C2CD3: variants seen among roughly 807,000 people sequenced by gnomAD.
The protein encoded by C2CD3 is C2 domain-containing protein 3.
In C2CD3, 148 loss-of-function variants were observed where a neutral mutation model predicts 234.0. That is an observed-to-expected ratio of 0.63 (90% CI 0.55 to 0.72). The LOEUF is 0.72. Ranked by LOEUF, C2CD3 falls within the 30% of genes least tolerant of loss-of-function variation. The pLI is 0.00. For synonymous variants in C2CD3, 1,000 were observed against 1,035.4 expected, an observed-to-expected ratio of 0.97 and a Z score of 0.66; for missense variants, 2,577 against 2,811.5, an observed-to-expected ratio of 0.92 and a Z score of 1.89.
chr11:74,145,426 A>G (rs1409313075), intron 3 of C2CD3, among the ~76,000 whole-genome samples: 1 of 152,060 alleles, frequency 6.6e-6, no homozygotes, highest in African/African-American at 2.4e-5. Flanking sequence ...TTGCTTGTAC[A>G]TTTCTTTAAG....
intron 7 of C2CD3, among the ~76,000 whole-genome samples, chr11:74,124,802 T>G (rs1021725012): frequency 1.3e-5 from 2 of 152,220 alleles, no homozygotes; most frequent in Non-Finnish European, 2.9e-5. Context: ...CTTAAAGTTA[T>G]GAAAATTTTT....
Position 74,013,149 on chromosome 11 carries a change from C to T in C2CD3, c.*236G>A, listed in dbSNP as rs1951752164. 3 of 305,854 alleles carry T rather than the reference C, an allele frequency of 9.8e-6. No homozygotes were observed. The highest frequency in any genetic ancestry group is 1.2e-5 in the Non-Finnish European group (2 of 167,974). The allele number at this position is 305,854 out of a possible 1,614,324, so 18.9% of individuals were successfully genotyped here. On this transcript the variant is annotated 3_prime_UTR_variant, in exon 33 of 33. Coordinates refer to ENST00000334126, the MANE Select transcript of C2CD3 (RefSeq NM_001286577.2). The stretch of plus-strand genomic sequence containing the variant: ...GCGCGGATTCCATTTTATTTCTAGC[C>T]TTTGCCTCACCACAGAAAAAAGGAG...
intron 9 of C2CD3, among the ~76,000 whole-genome samples, chr11:74,116,927 C>CGTATATAT (rs1565312634): frequency 1.1e-5 from 1 of 93,170 alleles, no homozygotes; most frequent in Non-Finnish European, 2.1e-5. Context: ...TACATATACA[C>CGTATATAT]GTGTATATAC....
intron 30 of C2CD3, chr11:74,034,567 C>T: frequency 3.7e-6 from 6 of 1,613,930 alleles, no homozygotes; most frequent in Non-Finnish European, 5.1e-6. Flanking sequence ...AGCTGGGAGT[C>T]CTGGTGGGCA....
At chr11:74,037,808 C>T in intron 29 of C2CD3, 110 bp from the exon 30 acceptor site, 1 of 779,818 alleles carries the variant, frequency 1.3e-6, no homozygotes, top group East Asian at 2.7e-5. Context: ...ATACCTCTCA[C>T]TTGGTCTATT....
chr11:74,151,350 C>A (rs1373570079), intron 3 of C2CD3, among the ~76,000 whole-genome samples: 4 of 147,710 alleles, frequency 2.7e-5, no homozygotes, highest in African/African-American at 8.0e-5. Flanking sequence ...CAGGGTCTCA[C>A]TCCATCACCC....
chr11:74,072,674 C>T (rs1954854248), intron 24 of C2CD3, among the ~76,000 whole-genome samples: 1 of 151,758 alleles, frequency 6.6e-6, no homozygotes, highest in South Asian at 2.1e-4. Context: ...AAATATATTC[C>T]TACTAGAATG....
At chr11:74,074,173 C>T in intron 24 of C2CD3, 80 bp downstream of exon 24, 3 of 949,836 alleles carry the variant, frequency 3.2e-6, no homozygotes, top group South Asian at 1.7e-5. Flanking sequence ...ACAGATCCTG[C>T]CATGATTTGA....
At chr11:74,086,381 A>T (rs1285213753) in intron 20 of C2CD3, among the ~76,000 whole-genome samples, 4 of 152,228 alleles carry the variant, frequency 2.6e-5, no homozygotes, top group Non-Finnish European at 4.4e-5. Context: ...GGAATACTAG[A>T]GTAAAGCTAA....
At chr11:74,045,242 T>C (rs1018011021) in intron 28 of C2CD3, among the ~76,000 whole-genome samples, 6 of 152,220 alleles carry the variant, frequency 3.9e-5, no homozygotes, top group Admixed American at 6.5e-5. Context: ...CATGGGTTTA[T>C]TTTGAGATTA....
chr11:74,123,833 G>A (rs775871800), intron 7 of C2CD3, among the ~76,000 whole-genome samples: 2 of 151,076 alleles, frequency 1.3e-5, no homozygotes, highest in Non-Finnish European at 2.9e-5. Flanking sequence ...CTGCCTCCTG[G>A]GTTCAAGTGA....
chr11:74,115,970 C>T (rs1047662574), intron 9 of C2CD3, among the ~76,000 whole-genome samples: 2 of 152,078 alleles, frequency 1.3e-5, no homozygotes, highest in African/African-American at 4.8e-5. Flanking sequence ...ATAAAACTAT[C>T]GACTCAAGAT....
intron 2 of C2CD3, among the ~76,000 whole-genome samples, chr11:74,162,901 T>G (rs755014509): frequency 6.6e-6 from 1 of 152,198 alleles, no homozygotes; most frequent in African/African-American, 2.4e-5. Flanking sequence ...AGTATCTAAT[T>G]GCATACTCTT....
intron 30 of C2CD3, chr11:74,035,980 C>T (rs1952726227): frequency 6.4e-6 from 1 of 156,162 alleles, no homozygotes; most frequent in Non-Finnish European, 1.4e-5. Context: ...GTGTCTCAGA[C>T]TCCCAAGTAG....
rs1460982017 is a variant in C2CD3 at position 74,170,770 on chromosome 11, C to G, written c.23G>C (p.Gly8Ala). 2 of 1,614,186 alleles carry G rather than the reference C, an allele frequency of 1.2e-6. No individual in the cohort carries two copies. Among genetic ancestry groups the G allele is most frequent in the Admixed American group, 1.7e-5 (1 of 60,024 alleles). Residue 8 changes from glycine to alanine, a missense_variant, in exon 1 of 33, where the codon GGG (glycine) becomes GCG (alanine). Physicochemically the swap from Gly to Ala is moderately conservative, Grantham distance 60 (BLOSUM62 0). Coordinates refer to ENST00000334126, the MANE Select transcript of C2CD3 (RefSeq NM_001286577.2). MKQRKGQ[G>A]SGGSRGRKKR... ...TTTGCGCCCACGGCTGCCCCCAGAC[C>G]CTTGGCCTTTTCGTTGTTTCATGAT...
chr11:74,036,553 CAAAG>C, intron 30 of C2CD3: 1 of 454,914 alleles, frequency 2.2e-6, no homozygotes, highest in Non-Finnish European at 4.4e-6. Context: ...TCCTGTTAGA[CAAAG>C]AAAATTGAAC....
chr11:74,107,353 G>A (rs111235256), intron 12 of C2CD3, among the ~76,000 whole-genome samples: 1 of 133,594 alleles, frequency 7.5e-6, no homozygotes, highest in African/African-American at 3.5e-5. Flanking sequence ...CACACACACA[G>A]AAATAAGAAA....
intron 32 of C2CD3, among the ~76,000 whole-genome samples, chr11:74,024,315 C>T (rs1466814296): frequency 2.0e-5 from 3 of 152,164 alleles, no homozygotes; most frequent in African/African-American, 7.2e-5. Flanking sequence ...GAAAAAAAAT[C>T]TTTCAAAAAT....
At chr11:74,022,368 G>C (rs1446471576) in intron 32 of C2CD3, among the ~76,000 whole-genome samples, 2 of 152,202 alleles carry the variant, frequency 1.3e-5, no homozygotes, top group Non-Finnish European at 2.9e-5. Flanking sequence ...AGTATGCAAA[G>C]GAAGATGACA....
Sources: allele counts gnomAD v4.1 joint callset (sites outside exome capture counted in the v4.1 genomes callset), GRCh38; gene constraint gnomAD v4.1.1; transcripts MANE v1.5; gene names NCBI Gene and HGNC (gene_info 2026-07-23, HGNC 2026-07-21).